Variants in CTTNBP2NL observed in about 807,000 individuals in gnomAD.
CTTNBP2NL encodes the protein CTTNBP2 N-terminal like, also known as CTTNBP2 N-terminal-like protein.
In CTTNBP2NL, 16 loss-of-function variants were observed where a neutral mutation model predicts 32.5. The observed-to-expected ratio is 0.49, with a 90% CI of 0.33 to 0.75. The LOEUF (loss-of-function observed/expected upper bound fraction) is 0.75. CTTNBP2NL is among the 30% of genes least tolerant of loss of function. The pLI, the probability that CTTNBP2NL is intolerant of heterozygous loss-of-function variation, is 0.02. For synonymous variants in CTTNBP2NL, 298 were observed against 289.4 expected, an observed-to-expected ratio of 1.03 and a Z score of -0.30; for missense variants, 645 against 756.0, an observed-to-expected ratio of 0.85 and a Z score of 1.72.
In CTTNBP2NL at chr1:112,416,101, A is replaced by G. The variant is rs12057798; in HGVS notation, c.-9-56A>G. The G allele has an allele frequency of 5.4e-3, 4,880 of 899,746 alleles. 169 individuals are homozygous for G. The African/African-American group carries it at 0.073, about 13-fold the overall frequency. 55.7% of individuals were successfully genotyped at this position (899,746 alleles called of 1,614,324 possible). On this transcript the variant is annotated intron_variant, in intron 2 of 5. Transcript: ENST00000271277. ...TATCTCTCACTTTATTTTTTCTTTA[A>G]TTGTATCAAATTAACTATGTCTTTG...
intron 2 of CTTNBP2NL, among the ~76,000 whole-genome samples, chr1:112,414,435 C>T (rs1368036113): frequency 6.6e-6 from 1 of 152,192 alleles, no homozygotes; most frequent in East Asian, 1.9e-4. Context: ...AAGACTTGGA[C>T]AGCATGTCCT....
intron 3 of CTTNBP2NL, among the ~76,000 whole-genome samples, chr1:112,428,888 A>AT (rs2101013841): frequency 6.6e-6 from 1 of 152,232 alleles, no homozygotes; most frequent in African/African-American, 2.4e-5. Flanking sequence ...ACTTCCTTTA[A>AT]TTTCTTAATT....
intron 3 of CTTNBP2NL, among the ~76,000 whole-genome samples, chr1:112,434,130 C>CA (rs1347212752): frequency 6.6e-6 from 1 of 152,212 alleles, no homozygotes; most frequent in Non-Finnish European, 1.5e-5. Context: ...TTAGCCCTGT[C>CA]ACATCGTAAC....
intron 1 of CTTNBP2NL, among the ~76,000 whole-genome samples, chr1:112,408,344 GAAAAT>G (rs1290432790): frequency 2.0e-5 from 3 of 149,162 alleles, no homozygotes; most frequent in Non-Finnish European, 4.4e-5. Flanking sequence ...CACCCAGCCA[GAAAAT>G]TATTTTCTAG....
At chr1:112,433,101 A>G (rs1406425705) in intron 3 of CTTNBP2NL, among the ~76,000 whole-genome samples, 1 of 152,132 alleles carries the variant, frequency 6.6e-6, no homozygotes, top group Admixed American at 6.6e-5. Context: ...GTGACTAGAT[A>G]AAATGTCCCT....
chr1:112,425,135 G>T (rs1012554641), intron 3 of CTTNBP2NL, among the ~76,000 whole-genome samples: 1 of 151,772 alleles, frequency 6.6e-6, no homozygotes, highest in Non-Finnish European at 1.5e-5. Context: ...AGCCAGTATT[G>T]TTTGTTAAAT....
intron 3 of CTTNBP2NL, among the ~76,000 whole-genome samples, chr1:112,421,557 T>C (rs1276431725): frequency 3.5e-5 from 5 of 140,914 alleles, no homozygotes; most frequent in African/African-American, 1.3e-4. Flanking sequence ...TGCCTCGGCC[T>C]CCCAAAGTGC....
intron 1 of CTTNBP2NL, among the ~76,000 whole-genome samples, chr1:112,409,249 C>G (rs1648784056): frequency 6.6e-6 from 1 of 151,800 alleles, no homozygotes; most frequent in African/African-American, 2.4e-5. Context: ...TGACCTTAAT[C>G]TGAGTCATTT....
intron 4 of CTTNBP2NL, among the ~76,000 whole-genome samples, chr1:112,451,915 CT>C (rs1250836738): frequency 9.9e-5 from 15 of 152,152 alleles, no homozygotes; most frequent in African/African-American, 3.6e-4. Flanking sequence ...GGCAAAACAG[CT>C]TCCCTCCTTC....
intron 2 of CTTNBP2NL, chr1:112,415,749 G>GT (rs1330452691): frequency 4.7e-6 from 1 of 211,496 alleles, no homozygotes; most frequent in Non-Finnish European, 9.3e-6. Flanking sequence ...TAGAGACAGG[G>GT]TTTTACCATG....
At chr1:112,450,563 C>G (rs1650185209) in intron 4 of CTTNBP2NL, among the ~76,000 whole-genome samples, 1 of 152,164 alleles carries the variant, frequency 6.6e-6, no homozygotes, top group South Asian at 2.1e-4. Flanking sequence ...TTTATTTCCA[C>G]TTCATCCATG....
intron 3 of CTTNBP2NL, among the ~76,000 whole-genome samples, chr1:112,440,985 A>G (rs919441362): frequency 6.6e-6 from 1 of 152,244 alleles, no homozygotes; most frequent in African/African-American, 2.4e-5. Context: ...TGTAAAACAT[A>G]TACTACATAT....
intron 3 of CTTNBP2NL, among the ~76,000 whole-genome samples, chr1:112,440,815 G>A (rs948358682): frequency 6.6e-6 from 1 of 152,198 alleles, no homozygotes; most frequent in African/African-American, 2.4e-5. Context: ...TAATAGTGAT[G>A]TTTACTTCAT....
intron 4 of CTTNBP2NL, among the ~76,000 whole-genome samples, chr1:112,452,645 C>CTT (rs34842059): frequency 0.019 from 2,530 of 133,032 alleles, 152 homozygotes; most frequent in African/African-American, 0.066. Flanking sequence ...CTCCTGGCCT[C>CTT]TTTTTTTTTT....
At position 112,449,047 on chromosome 1, in the gene CTTNBP2NL, G is replaced by C. The variant is rs746020129; in HGVS notation, c.205G>C (p.Asp69His). 22 of 1,612,410 alleles carry C rather than the reference G, an allele frequency of 1.4e-5. No homozygotes were observed. The Admixed American group carries it at 3.7e-4, about 27-fold the overall frequency. Reference protein sequence around the residue: ...RDFETLKEKNDGEKQPVCTNP... With the variant: ...RDFETLKEKNHGEKQPVCTNP... ...TTTTGAAACACTGAAGGAGAAAAAT[G>C]ATGGCGAAAAGCAGCCAGTCTGCAC... The change falls in exon 4 of 6, where the codon GAT (aspartate) becomes CAT (histidine). Residue 69 changes from aspartate to histidine, a missense_variant. Transcript: ENST00000271277.
upstream of CTTNBP2NL, among the ~76,000 whole-genome samples, chr1:112,395,693 TGCTTCCAGCACCACGCCCACAGGC>T (rs1348492320): frequency 1.3e-5 from 2 of 152,042 alleles, no homozygotes; most frequent in South Asian, 4.1e-4. Context: ...TTTGCACCCT[TGCTTCCAGCACCACGCCCACAGGC>T]GCTTCCAGAA....
At position 112,454,280 on chromosome 1, in the gene CTTNBP2NL, C is replaced by G. The variant is rs144628556; in HGVS notation, c.331-169C>G. On this transcript the variant is annotated intron_variant, in intron 4 of 5. Transcript: ENST00000271277. The stretch of plus-strand genomic sequence containing the variant: ...TTTAACACAGAGCTTTCATGTCTTT[C>G]ACTGTAAGGCAGTGTGCTCCTTGAT... Among the ~76,000 whole-genome samples, 1,292 of 152,340 alleles carry G rather than the reference C, an allele frequency of 8.5e-3. 15 individuals are homozygous for G. Among genetic ancestry groups the G allele is most frequent in the Non-Finnish European group, 0.014 (931 of 68,038 alleles).
intron 3 of CTTNBP2NL, among the ~76,000 whole-genome samples, chr1:112,437,716 G>C (rs1215385909): frequency 6.6e-6 from 1 of 152,044 alleles, no homozygotes; most frequent in Non-Finnish European, 1.5e-5. Context: ...GTAGAGACAG[G>C]GTTTTACCAT....
At chr1:112,436,632 C>A (rs1475964862) in intron 3 of CTTNBP2NL, among the ~76,000 whole-genome samples, 1 of 148,774 alleles carries the variant, frequency 6.7e-6, no homozygotes, top group Non-Finnish European at 1.5e-5. Context: ...GCACGAGCCA[C>A]TGTGCCTGGC....
Sources: allele counts gnomAD v4.1 joint callset (sites outside exome capture counted in the v4.1 genomes callset), GRCh38; gene constraint gnomAD v4.1.1; transcripts MANE v1.5; gene names NCBI Gene and HGNC (gene_info 2026-07-23, HGNC 2026-07-21).